Variants in GRIK4 observed in about 807,000 individuals in gnomAD.
GRIK4 encodes glutamate ionotropic receptor kainate type subunit 4, also known as glutamate receptor ionotropic, kainate 4.
A neutral mutation model predicts 104.9 loss-of-function variants in GRIK4; 40 were observed. The ratio of observed to expected loss-of-function variants is 0.38; its 90% CI spans 0.30 to 0.50. The LOEUF is 0.50. Ranked by LOEUF, GRIK4 falls within the 20% of genes least tolerant of loss-of-function variation. The probability of loss-of-function intolerance (pLI) is 0.93; values close to 1 mark genes in which losing one functional copy is unlikely to be tolerated. For synonymous variants in GRIK4, 485 were observed against 524.9 expected (o/e 0.92, Z 1.04); for missense variants, 1,047 against 1,308.1 (o/e 0.80, Z 3.08).
At chr11:120,735,583 C>CTA (rs1287768714) in intron 3 of GRIK4, among the ~76,000 whole-genome samples, 3 of 152,064 alleles carry the variant, frequency 2.0e-5, no homozygotes, top group Non-Finnish European at 4.4e-5. Flanking sequence ...GCTCTACAAT[C>CTA]AGCAGGTAGC....
intron 1 of GRIK4, among the ~76,000 whole-genome samples, chr11:120,581,470 G>A (rs1254375101): frequency 2.0e-5 from 3 of 152,188 alleles, no homozygotes; most frequent in Non-Finnish European, 4.4e-5. Flanking sequence ...CAGTTCAGCA[G>A]TGTTAAGTAC....
intron 9 of GRIK4, chr11:120,868,745 C>CTATTTT (rs1252353952): frequency 3.3e-5 from 4 of 122,950 alleles, no homozygotes; most frequent in Admixed American, 3.2e-4. Flanking sequence ...CCATGCCCAG[C>CTATTTT]TATTTTTTTT....
chr11:120,771,222 T>A (rs774052761), intron 3 of GRIK4, among the ~76,000 whole-genome samples: 29 of 152,124 alleles, frequency 1.9e-4, no homozygotes, highest in Non-Finnish European at 2.9e-4. Flanking sequence ...TAAGTGGTCA[T>A]GAACTGAATG....
intron 1 of GRIK4, among the ~76,000 whole-genome samples, chr11:120,521,730 G>C (rs536504276): frequency 1.1e-4 from 17 of 152,266 alleles, no homozygotes; most frequent in African/African-American, 3.9e-4. Context: ...GAGAACGCCT[G>C]TTGTATTGCT....
intron 3 of GRIK4, among the ~76,000 whole-genome samples, chr11:120,760,402 A>T (rs1217536759): frequency 1.4e-5 from 2 of 145,956 alleles, no homozygotes; most frequent in African/African-American, 5.1e-5. Context: ...CATATATATA[A>T]ACATAGATAT....
At chr11:120,791,396 G>A (rs1952391541) in intron 3 of GRIK4, among the ~76,000 whole-genome samples, 1 of 152,188 alleles carries the variant, frequency 6.6e-6, no homozygotes, top group Non-Finnish European at 1.5e-5. Context: ...CTTGCCACCT[G>A]TACAACTTCT....
At chr11:120,816,868 C>T (rs12278548) in intron 5 of GRIK4, among the ~76,000 whole-genome samples, 8,126 of 152,092 alleles carry the variant, frequency 0.053, 732 homozygotes, top group African/African-American at 0.18. Flanking sequence ...TCCCCATCCT[C>T]CTCCCGGTCA....
chr11:120,795,155 T>G (rs1952485707), intron 3 of GRIK4, among the ~76,000 whole-genome samples: 2 of 152,198 alleles, frequency 1.3e-5, no homozygotes, highest in African/African-American at 4.8e-5. Context: ...GACTCTCCAG[T>G]AAAACCTCTT....
intron 3 of GRIK4, among the ~76,000 whole-genome samples, chr11:120,713,392 C>T (rs892371764): frequency 6.6e-6 from 1 of 152,134 alleles, no homozygotes; most frequent in Non-Finnish European, 1.5e-5. Flanking sequence ...AAAAGCCCCC[C>T]GAACCCAGGC....
chr11:120,877,306 T>C (rs369315583), intron 11 of GRIK4, among the ~76,000 whole-genome samples: 18 of 152,340 alleles, frequency 1.2e-4, no homozygotes, highest in African/African-American at 4.1e-4. Context: ...TCAGGTACCA[T>C]GCTGGGCCTG....
chr11:120,871,796 G>A (rs1954617734), intron 9 of GRIK4: 1 of 456,278 alleles, frequency 2.2e-6, no homozygotes, highest in Admixed American at 2.3e-5. Context: ...GCAGCAGCAA[G>A]AGAGGGAGGG....
At chr11:120,601,758 C>T (rs1948890740) in intron 1 of GRIK4, among the ~76,000 whole-genome samples, 1 of 146,568 alleles carries the variant, frequency 6.8e-6, no homozygotes, top group South Asian at 2.3e-4. Context: ...GTATAAAATA[C>T]AAAGTGACTG....
At chr11:120,719,883 G>T (rs1047998089) in intron 3 of GRIK4, among the ~76,000 whole-genome samples, 3 of 151,992 alleles carry the variant, frequency 2.0e-5, no homozygotes, top group African/African-American at 7.3e-5. Context: ...ATTAGCTGCT[G>T]CTGTTATCCA....
intron 1 of GRIK4, among the ~76,000 whole-genome samples, chr11:120,516,062 C>T (rs1401412840): frequency 6.6e-6 from 1 of 152,054 alleles, no homozygotes; most frequent in Non-Finnish European, 1.5e-5. Flanking sequence ...CCTTAAAAAC[C>T]AAGAGGGAGA....
At chr11:120,617,056 C>A (rs777511297) in intron 1 of GRIK4, among the ~76,000 whole-genome samples, 91 of 152,190 alleles carry the variant, frequency 6.0e-4, no homozygotes, top group Admixed American at 1.8e-3. Flanking sequence ...TCCTGGGGAA[C>A]CTTCTCGGGA....
At chr11:120,567,588 A>G (rs1948346826) in intron 1 of GRIK4, among the ~76,000 whole-genome samples, 1 of 152,226 alleles carries the variant, frequency 6.6e-6, no homozygotes, top group African/African-American at 2.4e-5. Flanking sequence ...TGGACATGTG[A>G]CTGAAGGCCT....
intron 8 of GRIK4, among the ~76,000 whole-genome samples, chr11:120,837,262 G>A (rs928516247): frequency 7.2e-5 from 11 of 152,262 alleles, no homozygotes; most frequent in Admixed American, 2.6e-4. Context: ...TCCAGCTGTC[G>A]GTGTCTATGA....
At chr11:120,663,000 G>T (rs1293311218) in intron 3 of GRIK4, among the ~76,000 whole-genome samples, 1 of 152,206 alleles carries the variant, frequency 6.6e-6, no homozygotes, top group Non-Finnish European at 1.5e-5. Flanking sequence ...CCCCTCGAAT[G>T]AGGTTTTGGG....
intron 1 of GRIK4, among the ~76,000 whole-genome samples, chr11:120,539,456 A>G (rs1198871268): frequency 6.6e-6 from 1 of 152,234 alleles, no homozygotes; most frequent in Non-Finnish European, 1.5e-5. Flanking sequence ...TCACAACCAC[A>G]TGATGAAAAT....
Sources: gnomAD v4.1 joint callset for allele counts (sites outside exome capture counted in the v4.1 genomes callset) on GRCh38, gnomAD v4.1.1 for gene constraint, MANE v1.5 for transcripts, NCBI Gene and HGNC (gene_info 2026-07-23, HGNC 2026-07-21) for gene names.